DPCD: variants seen among roughly 807,000 people sequenced by gnomAD.
DPCD encodes the protein deleted in primary ciliary dyskinesia homolog (mouse).
A neutral mutation model predicts 26.4 loss-of-function variants in DPCD; 20 were observed. The ratio of observed to expected loss-of-function variants is 0.76; its 90% CI spans 0.53 to 1.10. The LOEUF (loss-of-function observed/expected upper bound fraction) is 1.10. DPCD is among the 50% of genes least tolerant of loss of function. The probability of loss-of-function intolerance (pLI) is 0.00; values close to 1 mark genes in which losing one functional copy is unlikely to be tolerated. For synonymous variants in DPCD, 97 were observed against 94.2 expected, an observed-to-expected ratio of 1.03 and a Z score of -0.17; for missense variants, 202 against 253.9, an observed-to-expected ratio of 0.80 and a Z score of 1.39.
intron 4 of DPCD, among the ~76,000 whole-genome samples, chr10:101,605,829 T>G (rs2063729811): frequency 6.6e-6 from 1 of 152,196 alleles, no homozygotes; most frequent in Non-Finnish European, 1.5e-5. Flanking sequence ...TCAGGAGATT[T>G]GGGGAATTCT....
chr10:101,588,400 G>A lies in DPCD; in HGVS notation c.64G>A (p.Gly22Arg). The change falls in exon 1 of 6, where the codon GGG becomes AGG. Residue 22 changes from glycine (G) to arginine (R), a missense_variant and splice_region_variant. By Grantham distance (125) the Gly-to-Arg change is moderately radical. Around this residue, in one of 3 missense-constraint regions of DPCD, gnomAD observed 47 missense variants for 32.8 expected, o/e 1.43. Coordinates refer to ENST00000370151, the MANE Select transcript of DPCD (RefSeq NM_015448.3). ...TAQKTALLQDGRRKVHYLFPD... is the reference protein window; with the variant it reads ...TAQKTALLQDRRRKVHYLFPD... ...CCAGAAGACTGCGCTGCTGCAGGAC[G>A]GTAACTCGAGGGTCCCCACGGGCTC... 1.9e-6 allele frequency: 3 copies of A among 1,590,178 alleles called. No individual in the cohort carries two copies. The highest frequency in any genetic ancestry group is 2.6e-6 in the Non-Finnish European group (3 of 1,167,078).
chr10:101,600,665 A>G lies in DPCD; in HGVS notation c.146-73A>G. 2.6e-6 allele frequency: 4 copies of G among 1,549,980 alleles called. No individual in the cohort carries two copies. The highest frequency in any genetic ancestry group is 1.4e-5 in the African/African-American group (1 of 72,260). ...AGTGTGGTGCCGGTGATTCAGCAGAAAAGAGCAGAGACCCTCTCTTCACTC... is the reference window on the plus strand; with the variant it reads ...AGTGTGGTGCCGGTGATTCAGCAGAGAAGAGCAGAGACCCTCTCTTCACTC... On this transcript the variant is annotated intron_variant, in intron 2 of 5. Coordinates refer to ENST00000370151, the MANE Select transcript of DPCD (RefSeq NM_015448.3). This position sits in a 1 kb window ranked among gnomAD's most constrained non-coding sequence, Gnocchi z 4.7.
chr10:101,605,414 C>A (rs1440409340), intron 4 of DPCD, among the ~76,000 whole-genome samples: 1 of 152,198 alleles, frequency 6.6e-6, no homozygotes, highest in Admixed American at 6.5e-5. Flanking sequence ...GTCTGTCAAA[C>A]AGGGAGAAGA....
chr10:101,603,167 C>T lies in DPCD; in HGVS notation c.404+1831C>T, dbSNP rs1249744248. On this transcript the variant is annotated intron_variant, in intron 4 of 5. Coordinates refer to ENST00000370151, the MANE Select transcript of DPCD (RefSeq NM_015448.3). This position sits in a 1 kb window ranked among gnomAD's most constrained non-coding sequence, Gnocchi z 4.6. ...CCACTTTGGAACCCACACTGAGCCTCTGGTCCAGTGTCCCAGCCTGGCTCA... is the reference window on the plus strand; with the variant it reads ...CCACTTTGGAACCCACACTGAGCCTTTGGTCCAGTGTCCCAGCCTGGCTCA... 6.6e-6 allele frequency among the ~76,000 whole-genome samples: 1 copy of T among 152,234 alleles called. No homozygotes were observed. The highest frequency in any genetic ancestry group is 1.5e-5 in the Non-Finnish European group (1 of 68,040).
intron 2 of DPCD, among the ~76,000 whole-genome samples, chr10:101,598,166 C>T (rs192029756): frequency 7.9e-5 from 12 of 152,164 alleles, no homozygotes; most frequent in East Asian, 7.7e-4. Flanking sequence ...GGGTGGTTGT[C>T]GTCCCTCCAG....
intron 1 of DPCD, 138 bp from the exon 2 acceptor site, chr10:101,594,520 G>T: frequency 2.8e-6 from 2 of 726,402 alleles, no homozygotes; most frequent in South Asian, 3.4e-5. Flanking sequence ...GTGGTGGTTG[G>T]CAAGGAGTTT....
chr10:101,598,508 CAT>C (rs904884578), intron 2 of DPCD, among the ~76,000 whole-genome samples: 68 of 150,816 alleles, frequency 4.5e-4, no homozygotes, highest in African/African-American at 1.5e-3. Flanking sequence ...AGTAATTCTT[CAT>C]AGTCTGTTTC....
intron 1 of DPCD, chr10:101,588,730 A>G (rs1471259706): frequency 1.1e-6 from 1 of 944,390 alleles, no homozygotes; most frequent in African/African-American, 1.8e-5. Context: ...AGAAGAGGAA[A>G]CTGAAATCCA....
rs146992387 is a variant in DPCD, at chr10:101,597,896, A to G, written c.146-2842A>G. 5.9e-5 allele frequency among the ~76,000 whole-genome samples: 9 copies of G among 152,336 alleles called. No individual in the cohort carries two copies. In the East Asian group the frequency reaches 1.7e-3, roughly 29 times the overall value. Reference sequence around the variant, plus strand: ...TAGGAAAAATAAGAAGGACTTCCCCAAAATCTTTTATTGGGTCTTATCTCT... The same window carrying G: ...TAGGAAAAATAAGAAGGACTTCCCCGAAATCTTTTATTGGGTCTTATCTCT... On this transcript the variant is annotated intron_variant, in intron 2 of 5. Transcript: ENST00000370151.
In DPCD at chr10:101,603,744, G is replaced by GA. The variant is rs2134776961; in HGVS notation, c.404+2409dup. ...TGCACTCCAGCCTGGGTGACAGAGT[G>GA]AGACTCCATCTCAAAAAAAAAAAAA... On this transcript the variant is annotated intron_variant, in intron 4 of 5. Coordinates refer to ENST00000370151, the MANE Select transcript of DPCD (RefSeq NM_015448.3). The surrounding 1 kb of genome is among the most constrained non-coding windows in gnomAD (Gnocchi z 4.6). Among the ~76,000 whole-genome samples the GA allele has an allele frequency of 6.7e-6, 1 of 149,340 alleles. No individual in the cohort carries two copies. The highest frequency in any genetic ancestry group is 2.1e-4 in the South Asian group (1 of 4,740).
intron 4 of DPCD, chr10:101,605,053 G>A: frequency 1.3e-6 from 2 of 1,542,258 alleles, no homozygotes; most frequent in Middle Eastern, 1.7e-4. Flanking sequence ...GATTGTGACT[G>A]TCTAGCAGGG....
At chr10:101,607,723 T>TGA (rs151182360) in intron 4 of DPCD, among the ~76,000 whole-genome samples, 11,431 of 152,252 alleles carry the variant, frequency 0.075, 447 homozygotes, top group African/African-American at 0.089. Flanking sequence ...GCCTCTCACT[T>TGA]GAGTTTGTTT....
intron 4 of DPCD, among the ~76,000 whole-genome samples, chr10:101,602,976 G>A (rs2063708453): frequency 6.6e-6 from 1 of 152,282 alleles, no homozygotes; most frequent in Non-Finnish European, 1.5e-5. Context: ...TGGCGCTGTT[G>A]GCCAGGAGCT....
chr10:101,609,537 T>A lies in DPCD; in HGVS notation c.*66T>A. 2 of 1,446,286 alleles carry A rather than the reference T, an allele frequency of 1.4e-6. No homozygotes were observed. Among genetic ancestry groups the A allele is most frequent in the Non-Finnish European group, 1.9e-6 (2 of 1,042,920 alleles). The allele number at this position is 1,446,286 out of a possible 1,614,324, so 89.6% of individuals were successfully genotyped here. Reference sequence around the variant, plus strand: ...TGAGACTTCAAGGCTTGGCCCTTCTTGACCACGGCAGCCTCCTGTCTTCTA... The same window carrying A: ...TGAGACTTCAAGGCTTGGCCCTTCTAGACCACGGCAGCCTCCTGTCTTCTA... On this transcript the variant is annotated 3_prime_UTR_variant, in exon 6 of 6. Coordinates refer to ENST00000370151, the MANE Select transcript of DPCD (RefSeq NM_015448.3).
chr10:101,598,863 G>C (rs943083705), intron 2 of DPCD, among the ~76,000 whole-genome samples: 6 of 151,992 alleles, frequency 3.9e-5, no homozygotes, highest in Admixed American at 6.6e-5. Context: ...CAGGTGATCC[G>C]CCCGCCTTGG....
intron 1 of DPCD, among the ~76,000 whole-genome samples, chr10:101,592,033 C>A (rs1282590079): frequency 1.3e-5 from 2 of 151,798 alleles, no homozygotes; most frequent in Non-Finnish European, 2.9e-5. Context: ...TTCATGCATA[C>A]ACTCACAGTT....
At chr10:101,602,138 C>T (rs2063702934) in intron 4 of DPCD, among the ~76,000 whole-genome samples, 1 of 152,204 alleles carries the variant, frequency 6.6e-6, no homozygotes, top group Non-Finnish European at 1.5e-5. Flanking sequence ...AGGGACAACT[C>T]CCACAAAATA....
intron 2 of DPCD, among the ~76,000 whole-genome samples, chr10:101,596,937 C>T (rs889752215): frequency 6.6e-6 from 1 of 152,168 alleles, no homozygotes; most frequent in East Asian, 1.9e-4. Context: ...AATAGGTGTG[C>T]GTCAGTCTGG....
In DPCD at chr10:101,594,005, TA is replaced by T. The variant is rs1270488118; in HGVS notation, c.65-648del. On this transcript the variant is annotated intron_variant, in intron 1 of 5. Transcript: ENST00000370151. Reference sequence around the variant, plus strand: ...GATAGGCAGTAATCAAAGAGTCACATAAAAAGATGTAAAATCATAACCAAAT... The same window carrying T: ...GATAGGCAGTAATCAAAGAGTCACATAAAAGATGTAAAATCATAACCAAAT... Among the ~76,000 whole-genome samples the T allele has an allele frequency of 6.6e-5, 10 of 152,144 alleles. No homozygotes were observed. In the East Asian group the frequency reaches 1.9e-3, roughly 29 times the overall value.
Sources: gnomAD v4.1 joint callset for allele counts (sites outside exome capture counted in the v4.1 genomes callset) on GRCh38, gnomAD v4.1.1 for gene constraint, gnomAD v4.1.1 regional missense constraint, Gnocchi (gnomAD v3.1) non-coding constraint, MANE v1.5 for transcripts, NCBI Gene and HGNC (gene_info 2026-07-23, HGNC 2026-07-21) for gene names.